Variants in FERMT2 observed in about 807,000 individuals in gnomAD.
FERMT2 encodes the protein FERM domain containing kindlin 2.
In FERMT2, 15 loss-of-function variants were observed where a neutral mutation model predicts 82.7. The observed-to-expected ratio is 0.18, with a 90% CI of 0.12 to 0.28. The LOEUF (loss-of-function observed/expected upper bound fraction) is 0.28, where lower values mean the gene tolerates loss of function less well. Among genes scored for constraint, FERMT2 ranks in the 10% least tolerant of loss-of-function variants. The pLI, the probability that FERMT2 is intolerant of heterozygous loss-of-function variation, is 1.00. For synonymous variants in FERMT2, 274 were observed against 271.5 expected, an observed-to-expected ratio of 1.01 and a Z score of -0.09; for missense variants, 645 against 809.4, an observed-to-expected ratio of 0.80 and a Z score of 2.46.
intron 10 of FERMT2, 134 bp downstream of exon 10, chr14:52,872,661 CTAAA>C: frequency 1.3e-6 from 1 of 758,020 alleles, no homozygotes; most frequent in Non-Finnish European, 2.1e-6. Flanking sequence ...AGAGACATAT[CTAAA>C]CATTTTTCAA....
chr14:52,879,791 G>C (rs565526628), intron 6 of FERMT2, among the ~76,000 whole-genome samples: 1 of 152,142 alleles, frequency 6.6e-6, no homozygotes, highest in East Asian at 1.9e-4. Flanking sequence ...TGAAAGAGAA[G>C]TAAAAGATTC....
chr14:52,928,727 AC>A (rs1208717640), intron 2 of FERMT2, among the ~76,000 whole-genome samples: 1 of 152,112 alleles, frequency 6.6e-6, no homozygotes, highest in African/African-American at 2.4e-5. Context: ...TTCTCAGTAG[AC>A]AACCATGGAT....
chr14:52,860,264 TTAATATC>T, intron 13 of FERMT2, 70 bp downstream of exon 13: 3 of 1,315,362 alleles, frequency 2.3e-6, no homozygotes, highest in South Asian at 1.3e-5. Flanking sequence ...CTTTAGATGT[TTAATATC>T]TAATTACATG....
chr14:52,948,044 C>T (rs935753582), intron 2 of FERMT2, among the ~76,000 whole-genome samples: 1 of 152,216 alleles, frequency 6.6e-6, no homozygotes, highest in African/African-American at 2.4e-5. Context: ...TTCATAACTG[C>T]TTCAAGGCCA....
intron 2 of FERMT2, among the ~76,000 whole-genome samples, chr14:52,945,212 A>G (rs1890277706): frequency 6.6e-6 from 1 of 151,620 alleles, no homozygotes. Context: ...CACCCAGCCA[A>G]TCCTCAATTG....
At chr14:52,905,276 AT>A (rs1887939232) in intron 3 of FERMT2, among the ~76,000 whole-genome samples, 1 of 152,168 alleles carries the variant, frequency 6.6e-6, no homozygotes, top group South Asian at 2.1e-4. Flanking sequence ...ATAAGCACAT[AT>A]TTAGAATTAT....
chr14:52,869,371 C>CATGTACT (rs1885473249), intron 10 of FERMT2, among the ~76,000 whole-genome samples: 1 of 152,164 alleles, frequency 6.6e-6, no homozygotes, highest in Non-Finnish European at 1.5e-5. Flanking sequence ...AGGCAGAGCT[C>CATGTACT]ATGTACTAGG....
At chr14:52,918,691 A>G (rs542048753) in intron 3 of FERMT2, among the ~76,000 whole-genome samples, 2 of 152,314 alleles carry the variant, frequency 1.3e-5, no homozygotes, top group East Asian at 3.9e-4. Flanking sequence ...AGATGTTCAA[A>G]TTGTAGACTG....
At chr14:52,870,420 T>C (rs1343462745) in intron 10 of FERMT2, among the ~76,000 whole-genome samples, 1 of 152,110 alleles carries the variant, frequency 6.6e-6, no homozygotes, top group East Asian at 1.9e-4. Context: ...CAGCTAATTT[T>C]GTATTTTTAG....
At chr14:52,934,969 G>A (rs1401504965) in intron 2 of FERMT2, among the ~76,000 whole-genome samples, 1 of 152,186 alleles carries the variant, frequency 6.6e-6, no homozygotes, top group African/African-American at 2.4e-5. Context: ...TGACTGTGAT[G>A]AGCTTCTGTT....
chr14:52,879,153 C>T (rs1886148867), intron 6 of FERMT2, among the ~76,000 whole-genome samples: 1 of 151,992 alleles, frequency 6.6e-6, no homozygotes, highest in African/African-American at 2.4e-5. Context: ...AGAAGCATAC[C>T]CAGATAAAGT....
At chr14:52,947,228 T>C (rs141205867) in intron 2 of FERMT2, among the ~76,000 whole-genome samples, 3,205 of 152,184 alleles carry the variant, frequency 0.021, 76 homozygotes, top group East Asian at 0.074. Flanking sequence ...GTCTGCAATC[T>C]CAACACTTTG....
Position 52,905,082 on chromosome 14 carries a change from A to C in FERMT2, c.392-11655T>G, listed in dbSNP as rs570905426. On this transcript the variant is annotated intron_variant, in intron 3 of 14. Transcript: ENST00000341590. ...TGTGCGCTTGTAATCCCAGCTACTC[A>C]GGAGGCTGAGGCAGGAGAATCGCTT... 1.1e-4 allele frequency among the ~76,000 whole-genome samples: 16 copies of C among 150,326 alleles called. No individual in the cohort carries two copies. The South Asian group carries it at 3.4e-3, about 32-fold the overall frequency.
At chr14:52,931,616 G>A (rs1566758089) in intron 2 of FERMT2, among the ~76,000 whole-genome samples, 1 of 152,194 alleles carries the variant, frequency 6.6e-6, no homozygotes, top group African/African-American at 2.4e-5. Context: ...AAGGTGAAGA[G>A]GGGAAGCTAG....
In FERMT2 at chr14:52,875,218, C is replaced by T; in HGVS notation, c.1098+5G>A. The T allele has an allele frequency of 6.3e-7, 1 of 1,594,920 alleles. No individual in the cohort carries two copies. ...TTAGTAGGTAAAAAAAAAGATTCAC[C>T]CTACCAAAATTGTTGACGTTTTACC... On this transcript the variant is annotated splice_donor_5th_base_variant and intron_variant, in intron 8 of 14. Transcript: ENST00000341590.
chr14:52,918,798 T>C (rs959216369), intron 3 of FERMT2, among the ~76,000 whole-genome samples: 9 of 152,148 alleles, frequency 5.9e-5, no homozygotes, highest in South Asian at 2.1e-4. Context: ...TAAAATCAAA[T>C]AGTGACTTAT....
intron 10 of FERMT2, among the ~76,000 whole-genome samples, chr14:52,871,240 A>G (rs1003675970): frequency 1.3e-5 from 2 of 152,204 alleles, no homozygotes; most frequent in Non-Finnish European, 2.9e-5. Flanking sequence ...CTCATTGGAA[A>G]TGAGTCTAGA....
intron 7 of FERMT2, among the ~76,000 whole-genome samples, chr14:52,875,640 A>G (rs1422423561): frequency 6.6e-6 from 1 of 151,932 alleles, no homozygotes; most frequent in Non-Finnish European, 1.5e-5. Context: ...TGTACTTCAC[A>G]TTAACAGAGA....
intron 4 of FERMT2, among the ~76,000 whole-genome samples, chr14:52,888,284 C>T (rs1382408135): frequency 6.6e-6 from 1 of 152,096 alleles, no homozygotes; most frequent in African/African-American, 2.4e-5. Flanking sequence ...TTAGATGTGA[C>T]TTATAAAAGG....
Sources: gnomAD v4.1 joint callset for allele counts (sites outside exome capture counted in the v4.1 genomes callset) on GRCh38, gnomAD v4.1.1 for gene constraint, MANE v1.5 for transcripts, NCBI Gene and HGNC (gene_info 2026-07-23, HGNC 2026-07-21) for gene names.